MYO5A: variants seen among roughly 807,000 people sequenced by gnomAD.
MYO5A encodes myosin VA, also known as unconventional myosin-Va.
MYO5A carries 98 observed loss-of-function variants against 249.7 expected under a neutral mutation model. The observed-to-expected ratio is 0.39, with a 90% CI of 0.33 to 0.46. MYO5A has a LOEUF of 0.46. Among genes scored for constraint, MYO5A ranks in the 20% least tolerant of loss-of-function variants. MYO5A has a pLI of 0.98. For missense variants in MYO5A, 1,696 were observed against 2,308.8 expected (o/e 0.73, Z 5.44); for synonymous variants, 778 against 810.6 (o/e 0.96, Z 0.68).
In MYO5A at chr15:52,482,227, C is replaced by G. The variant is rs138576428; in HGVS notation, c.27+46553G>C. 2.5e-3 allele frequency among the ~76,000 whole-genome samples: 379 copies of G among 152,318 alleles called. 1 individual carries two copies. The highest frequency in any genetic ancestry group is 3.3e-3 in the Non-Finnish European group (222 of 68,026). ...CCATCTCTTTTCTCCTATAGGCCAT[C>G]TCTTTTTTTCGTTTAACATAAATAA... On this transcript the variant is annotated intron_variant, in intron 1 of 41. Transcript: ENST00000399233.
At chr15:52,388,309 A>G (rs1254555955) in intron 13 of MYO5A, among the ~76,000 whole-genome samples, 1 of 152,232 alleles carries the variant, frequency 6.6e-6, no homozygotes, top group African/African-American at 2.4e-5. Context: ...AGTGAGAATC[A>G]GAAGGAACAA....
At chr15:52,322,768 T>A (rs2038392098) in intron 37 of MYO5A, among the ~76,000 whole-genome samples, 1 of 151,936 alleles carries the variant, frequency 6.6e-6, no homozygotes, top group Non-Finnish European at 1.5e-5. Context: ...GATCACCCTT[T>A]TTTTTTTTAG....
chr15:52,506,612 G>A (rs2077277705), intron 1 of MYO5A, among the ~76,000 whole-genome samples: 1 of 151,606 alleles, frequency 6.6e-6, no homozygotes, highest in Non-Finnish European at 1.5e-5. Flanking sequence ...CAAGGAGGGC[G>A]GATCTCTTGA....
At chr15:52,427,995 G>A (rs2075435096) in intron 3 of MYO5A, among the ~76,000 whole-genome samples, 1 of 152,154 alleles carries the variant, frequency 6.6e-6, no homozygotes, top group Non-Finnish European at 1.5e-5. Flanking sequence ...CACGAGTCAA[G>A]TTAGTTCTGC....
At chr15:52,506,482 G>A (rs113253694) in intron 1 of MYO5A, among the ~76,000 whole-genome samples, 2,299 of 151,110 alleles carry the variant, frequency 0.015, 44 homozygotes, top group African/African-American at 0.053. Flanking sequence ...AGCCGAGATC[G>A]CGCCATTGTA....
Position 52,467,321 on chromosome 15 carries a change from G to T in MYO5A, c.28-34036C>A, listed in dbSNP as rs375433114. On this transcript the variant is annotated intron_variant, in intron 1 of 41. Coordinates refer to ENST00000399233, the MANE Select transcript of MYO5A (RefSeq NM_001382347.1). The stretch of plus-strand genomic sequence containing the variant: ...TAGGATGCACATGAGGAATTTACAG[G>T]AGACAGATTTCAAAAACAAACAGAA... Among the ~76,000 whole-genome samples the T allele has an allele frequency of 1.3e-4, 20 of 152,202 alleles. No individual in the cohort carries two copies. In the South Asian group the frequency reaches 3.7e-3, roughly 28 times the overall value.
At chr15:52,343,631 C>T (rs1262279363) in intron 30 of MYO5A, among the ~76,000 whole-genome samples, 1 of 152,130 alleles carries the variant, frequency 6.6e-6, no homozygotes, top group Non-Finnish European at 1.5e-5. Context: ...TTTAAGTCCT[C>T]TAGGTAGGAA....
chr15:52,473,868 A>G (rs8042529), intron 1 of MYO5A, among the ~76,000 whole-genome samples: 3,313 of 152,268 alleles, frequency 0.022, 99 homozygotes, highest in African/African-American at 0.076. Context: ...TTGTCTTGGC[A>G]ATGTGGGCTC....
chr15:52,445,717 T>C (rs1404603908), intron 1 of MYO5A, among the ~76,000 whole-genome samples: 2 of 152,108 alleles, frequency 1.3e-5, no homozygotes, highest in Non-Finnish European at 2.9e-5. Flanking sequence ...TGGAACTTAG[T>C]GGAACTGGAG....
chr15:52,404,481 G>C (rs561946364), intron 9 of MYO5A, among the ~76,000 whole-genome samples: 70 of 152,258 alleles, frequency 4.6e-4, no homozygotes, highest in African/African-American at 1.7e-3. Context: ...AACTAAGTGA[G>C]TTGAATAAAC....
chr15:52,358,881 G>C (rs2040378355), intron 25 of MYO5A, among the ~76,000 whole-genome samples: 1 of 152,276 alleles, frequency 6.6e-6, no homozygotes, highest in South Asian at 2.1e-4. Context: ...TGGCCATACT[G>C]TTATATCCAT....
intron 1 of MYO5A, among the ~76,000 whole-genome samples, chr15:52,484,840 C>T (rs2076785599): frequency 6.6e-6 from 1 of 151,908 alleles, no homozygotes; most frequent in African/African-American, 2.4e-5. Context: ...AACCCCGTCT[C>T]TACTGAAAAT....
intron 9 of MYO5A, among the ~76,000 whole-genome samples, chr15:52,404,259 C>A (rs1324922449): frequency 1.3e-5 from 1 of 77,528 alleles, no homozygotes; most frequent in Non-Finnish European, 2.4e-5. Context: ...AAGAGTGAAA[C>A]TCCGTCTCAA....
intron 5 of MYO5A, among the ~76,000 whole-genome samples, chr15:52,413,919 T>C (rs1301896803): frequency 1.3e-5 from 2 of 152,192 alleles, no homozygotes; most frequent in African/African-American, 2.4e-5. Flanking sequence ...TTCTTTATAA[T>C]TGCATACTGT....
intron 34 of MYO5A, chr15:52,331,652 G>A: frequency 2.0e-6 from 2 of 985,114 alleles, no homozygotes; most frequent in South Asian, 4.7e-5. Context: ...GGTTAGTTCT[G>A]AGAAGCCAGT....
chr15:52,528,458 G>A (rs371367222), intron 1 of MYO5A, among the ~76,000 whole-genome samples: 1 of 152,222 alleles, frequency 6.6e-6, no homozygotes, highest in African/African-American at 2.4e-5. Context: ...CCAAGCAGGA[G>A]GGGAGGCACG....
At chr15:52,460,008 G>A (rs1268310136) in intron 1 of MYO5A, among the ~76,000 whole-genome samples, 4 of 151,798 alleles carry the variant, frequency 2.6e-5, no homozygotes, top group African/African-American at 9.7e-5. Context: ...GTTCCCAGAC[G>A]GGGTCGCGGC....
intron 1 of MYO5A, among the ~76,000 whole-genome samples, chr15:52,492,191 C>T (rs941137671): frequency 2.6e-5 from 4 of 152,100 alleles, no homozygotes; most frequent in Admixed American, 2.6e-4. Flanking sequence ...CCAGACCACA[C>T]CCAGGTTTGG....
At chr15:52,461,089 A>G (rs1262928350) in intron 1 of MYO5A, among the ~76,000 whole-genome samples, 4 of 152,098 alleles carry the variant, frequency 2.6e-5, no homozygotes, top group African/African-American at 9.7e-5. Flanking sequence ...AGTAATTGTG[A>G]CTACAGGCAC....
Sources: gnomAD v4.1 joint callset for allele counts (sites outside exome capture counted in the v4.1 genomes callset) on GRCh38, gnomAD v4.1.1 for gene constraint, MANE v1.5 for transcripts, NCBI Gene and HGNC (gene_info 2026-07-23, HGNC 2026-07-21) for gene names.